THBS4: variants seen among roughly 807,000 people sequenced by gnomAD.
THBS4 encodes thrombospondin-4.
A neutral mutation model predicts 115.7 loss-of-function variants in THBS4; 90 were observed. The observed-to-expected ratio is 0.78, with a 90% CI of 0.66 to 0.93. THBS4 has a LOEUF of 0.93. Ranked by LOEUF, THBS4 falls within the 40% of genes least tolerant of loss-of-function variation. THBS4 has a pLI of 0.00. For missense variants in THBS4, 1,087 were observed against 1,232.7 expected, an observed-to-expected ratio of 0.88 and a Z score of 1.77; for synonymous variants, 460 against 479.3, an observed-to-expected ratio of 0.96 and a Z score of 0.53.
At chr5:80,057,329 T>C (rs1355202523) in intron 3 of THBS4, among the ~76,000 whole-genome samples, 1 of 152,168 alleles carries the variant, frequency 6.6e-6, no homozygotes, top group Non-Finnish European at 1.5e-5. Context: ...CCTTAGACCA[T>C]GGTAGTGATC....
At chr5:80,007,333 G>C (rs1220128774) in intron 2 of THBS4, among the ~76,000 whole-genome samples, 2 of 152,138 alleles carry the variant, frequency 1.3e-5, no homozygotes, top group Non-Finnish European at 2.9e-5. Context: ...CTGATATTTT[G>C]TGTCAGCTCC....
chr5:80,013,634 C>T (rs1452073724), intron 2 of THBS4, among the ~76,000 whole-genome samples: 1 of 151,998 alleles, frequency 6.6e-6, no homozygotes, highest in African/African-American at 2.4e-5. Context: ...GCACCCTGGC[C>T]ATGTAGCATG....
chr5:80,076,971 A>T lies in THBS4; in HGVS notation c.2009A>T (p.Asp670Val). ...GDECDDDDDN[D>V]GIPDLVPPGP... ...GAGTGTGATGATGATGATGACAATG[A>T]TGGTATCCCAGACCTGGTGCCCCCT... is the stretch of plus-strand genomic sequence containing the variant. Residue 670 changes from aspartate to valine, a missense_variant, in exon 16 of 22, where the codon GAT (aspartate) becomes GTT (valine). By Grantham distance (152) the Asp-to-Val change is radical. Coordinates refer to ENST00000350881, the MANE Select transcript of THBS4 (RefSeq NM_003248.6). 1 of 1,613,816 alleles carries T rather than the reference A, an allele frequency of 6.2e-7. No individual in the cohort carries two copies. The highest frequency in any genetic ancestry group is 1.1e-5 in the South Asian group (1 of 91,028).
chr5:80,033,659 G>A (rs1229193392), upstream of THBS4, among the ~76,000 whole-genome samples: 1 of 152,222 alleles, frequency 6.6e-6, no homozygotes, highest in Non-Finnish European at 1.5e-5. Context: ...CACCAGATCT[G>A]AGAGGAAACA....
intron 10 of THBS4, among the ~76,000 whole-genome samples, chr5:80,069,126 G>A (rs1227909747): frequency 6.6e-6 from 1 of 152,126 alleles, no homozygotes; most frequent in African/African-American, 2.4e-5. Flanking sequence ...CAGACTCTGG[G>A]GTCACTGGTT....
rs78582809 is a variant in THBS4, at chr5:80,081,082, T to G, written c.2684+1005T>G. Among the ~76,000 whole-genome samples the G allele has an allele frequency of 1.3e-3, 193 of 152,242 alleles. 1 individual carries two copies. The highest frequency in any genetic ancestry group is 4.2e-3 in the African/African-American group (173 of 41,524). On this transcript the variant is annotated intron_variant, in intron 20 of 21. Coordinates refer to ENST00000350881, the MANE Select transcript of THBS4 (RefSeq NM_003248.6). ...TGTCTTTGAAATGTAGATAGTGTTCTTCTTCATTTGAACTTGCAGATCAAC... is the reference window on the plus strand; with the variant it reads ...TGTCTTTGAAATGTAGATAGTGTTCGTCTTCATTTGAACTTGCAGATCAAC...
intron 1 of THBS4, among the ~76,000 whole-genome samples, chr5:79,997,029 A>AT (rs1350742743): frequency 5.0e-5 from 7 of 141,142 alleles, no homozygotes; most frequent in South Asian, 2.3e-4. Context: ...AAATCAAAAT[A>AT]GTTTTTTTTT....
At chr5:80,010,125 A>C (rs1251903246) in intron 2 of THBS4, among the ~76,000 whole-genome samples, 1 of 152,234 alleles carries the variant, frequency 6.6e-6, no homozygotes, top group Non-Finnish European at 1.5e-5. Flanking sequence ...GTTCTGATCT[A>C]CAGTTCATTC....
chr5:80,028,135 A>G (rs546174419), intron 2 of THBS4, among the ~76,000 whole-genome samples: 1 of 150,816 alleles, frequency 6.6e-6, no homozygotes, highest in Admixed American at 6.6e-5. Flanking sequence ...GTATCTTTTG[A>G]ACCCAGGAGT....
At chr5:80,070,478 G>T (rs1834000547) in intron 11 of THBS4, 68 bp downstream of exon 11, 1 of 1,494,458 alleles carries the variant, frequency 6.7e-7, no homozygotes. Context: ...CTTCTATGGG[G>T]AGAGGTTCTG....
intron 2 of THBS4, among the ~76,000 whole-genome samples, chr5:80,006,925 T>C (rs1181852412): frequency 6.6e-6 from 1 of 152,242 alleles, no homozygotes; most frequent in Non-Finnish European, 1.5e-5. Context: ...TAAAGGGGTA[T>C]GCTGTTCATT....
intron 3 of THBS4, 139 bp downstream of exon 3, chr5:80,056,171 T>C: frequency 9.0e-7 from 1 of 1,112,068 alleles, no homozygotes; most frequent in Non-Finnish European, 1.2e-6. Flanking sequence ...CCTGCGGAGC[T>C]TGAAAAGCAA....
chr5:80,036,154 T>G, intron 1 of THBS4: 2 of 985,556 alleles, frequency 2.0e-6, no homozygotes, highest in Non-Finnish European at 1.2e-6. Flanking sequence ...TTTCAAGGAT[T>G]GGCTTGATGT....
At chr5:80,068,428 G>T in intron 10 of THBS4, 1 of 320,682 alleles carries the variant, frequency 3.1e-6, no homozygotes, top group Non-Finnish European at 5.9e-6. Flanking sequence ...GAAAGGCCCA[G>T]AAGCCAGCAG....
chr5:79,992,378 CAAAA>C (rs749704914), intron 1 of THBS4, among the ~76,000 whole-genome samples: 147 of 152,134 alleles, frequency 9.7e-4, no homozygotes, highest in Non-Finnish European at 1.8e-3. Context: ...AACTAAAACT[CAAAA>C]GAAACCTCTG....
chr5:80,067,365 T>C (rs1414387049), intron 9 of THBS4: 1 of 151,692 alleles, frequency 6.6e-6, no homozygotes, highest in Non-Finnish European at 1.5e-5. Context: ...GTATAATATT[T>C]ATTACATATA....
intron 2 of THBS4, among the ~76,000 whole-genome samples, chr5:80,013,894 A>G (rs565610203): frequency 1.3e-5 from 2 of 152,350 alleles, no homozygotes; most frequent in Admixed American, 1.3e-4. Flanking sequence ...TAGATACCCC[A>G]TAACTAAGCG....
chr5:80,013,827 C>T (rs941904224), intron 2 of THBS4, among the ~76,000 whole-genome samples: 13 of 152,170 alleles, frequency 8.5e-5, no homozygotes, highest in Admixed American at 7.9e-4. Flanking sequence ...ATGTATAATT[C>T]GTTCTTGGCA....
In THBS4 at chr5:80,037,795, CT is replaced by C. The variant is rs139127733; in HGVS notation, c.88+2172del. 5.3e-3 allele frequency among the ~76,000 whole-genome samples: 803 copies of C among 152,292 alleles called. 10 individuals are homozygous for C. Among genetic ancestry groups the C allele is most frequent in the African/African-American group, 0.018 (766 of 41,560 alleles). ...TGAATGGAACTTTAAAACATATTGCCTTATTTCCCTTTGCCCTCATTAGTGG... is the reference window on the plus strand; with the variant it reads ...TGAATGGAACTTTAAAACATATTGCCTATTTCCCTTTGCCCTCATTAGTGG... On this transcript the variant is annotated intron_variant, in intron 1 of 21. Transcript: ENST00000350881.
Sources: gnomAD v4.1 joint callset for allele counts (sites outside exome capture counted in the v4.1 genomes callset) on GRCh38, gnomAD v4.1.1 for gene constraint, MANE v1.5 for transcripts, NCBI Gene and HGNC (gene_info 2026-07-23, HGNC 2026-07-21) for gene names.